USP6NL: variants seen among roughly 807,000 people sequenced by gnomAD.
The protein encoded by USP6NL is USP6 N-terminal-like protein.
A neutral mutation model predicts 61.9 loss-of-function variants in USP6NL; 26 were observed. That is an observed-to-expected ratio of 0.42 (90% confidence interval 0.31 to 0.58). USP6NL has a LOEUF of 0.58. Ranked by LOEUF, USP6NL falls within the 20% of genes least tolerant of loss-of-function variation. USP6NL has a pLI of 0.16. For synonymous variants in USP6NL, 432 were observed against 390.1 expected, an observed-to-expected ratio of 1.11 and a Z score of -1.27; for missense variants, 1,114 against 1,034.3, an observed-to-expected ratio of 1.08 and a Z score of -1.06.
At chr10:11,515,706 G>A (rs1292125458) in intron 5 of USP6NL, among the ~76,000 whole-genome samples, 1 of 152,146 alleles carries the variant, frequency 6.6e-6, no homozygotes, top group African/African-American at 2.4e-5. Flanking sequence ...AAACAGTTTG[G>A]TTTTTCCCTA....
chr10:11,548,275 C>A lies in USP6NL; in HGVS notation c.5-20708G>T, dbSNP rs1198979397. ...TTGATGCCCCAAATTCAACATGATACCCCGGAAAAGGTTTGGTGGGAGAAC... is the reference window on the plus strand; with the variant it reads ...TTGATGCCCCAAATTCAACATGATAACCCGGAAAAGGTTTGGTGGGAGAAC... On this transcript the variant is annotated intron_variant, in intron 2 of 14. Transcript: ENST00000609104. This position sits in a 1 kb window ranked among gnomAD's most constrained non-coding sequence, Gnocchi z 4.3. 1.3e-5 allele frequency among the ~76,000 whole-genome samples: 2 copies of A among 152,146 alleles called. No homozygotes were observed. The highest frequency in any genetic ancestry group is 2.9e-5 in the Non-Finnish European group (2 of 68,026).
chr10:11,599,395 T>C (rs1405626837), intron 1 of USP6NL, among the ~76,000 whole-genome samples: 1 of 152,242 alleles, frequency 6.6e-6, no homozygotes, highest in East Asian at 1.9e-4. Context: ...TTGTGCGATG[T>C]AGCACACTGC....
intron 2 of USP6NL, among the ~76,000 whole-genome samples, chr10:11,578,089 A>C (rs1006893470): frequency 1.3e-5 from 2 of 152,144 alleles, no homozygotes; most frequent in African/African-American, 4.8e-5. Context: ...CCTCCCAAGT[A>C]GCTGGGACCA....
intron 6 of USP6NL, among the ~76,000 whole-genome samples, chr10:11,504,420 G>A (rs1834348692): frequency 6.6e-6 from 1 of 152,154 alleles, no homozygotes. Context: ...CCATAATGTA[G>A]GTTCAGCGGG....
rs1260240265 is a variant in USP6NL at position 11,485,102 on chromosome 10, G to C, written c.826-32C>G. The C allele has an allele frequency of 1.3e-6, 2 of 1,536,360 alleles. No individual in the cohort carries two copies. ...TTAAAAGCAAAACAAAACAAAAATA[G>C]GGTTAACAGCTTCCCCTCACCTTGT... On this transcript the variant is annotated intron_variant, in intron 12 of 14. Coordinates refer to ENST00000609104, the MANE Select transcript of USP6NL (RefSeq NM_014688.5). This position sits in a 1 kb window ranked among gnomAD's most constrained non-coding sequence, Gnocchi z 4.8.
intron 10 of USP6NL, among the ~76,000 whole-genome samples, chr10:11,486,683 C>T (rs1165427387): frequency 6.6e-6 from 1 of 152,172 alleles, no homozygotes; most frequent in Non-Finnish European, 1.5e-5. Context: ...TGTTAACAGA[C>T]GTTCTATGCT....
Position 11,532,288 on chromosome 10 carries a change from C to CA in USP6NL, c.5-4722dup. On this transcript the variant is annotated intron_variant, in intron 2 of 14. Coordinates refer to ENST00000609104, the MANE Select transcript of USP6NL (RefSeq NM_014688.5). This position sits in a 1 kb window ranked among gnomAD's most constrained non-coding sequence, Gnocchi z 4.1. ...ATTATTTTATAGTTCTCGAACACAC[C>CA]AAGAGTGCTGCCCGGCGGTACCTCA... 1 of 1,478,556 alleles carries CA rather than the reference C, an allele frequency of 6.8e-7. No individual in the cohort carries two copies. The highest frequency in any genetic ancestry group is 9.1e-7 in the Non-Finnish European group (1 of 1,095,096). The allele number at this position is 1,478,556 out of a possible 1,614,324, so 91.6% of individuals were successfully genotyped here.
intron 5 of USP6NL, among the ~76,000 whole-genome samples, chr10:11,515,886 T>C (rs547215027): frequency 6.6e-6 from 1 of 152,340 alleles, no homozygotes; most frequent in African/African-American, 2.4e-5. Context: ...ATCAGTCATG[T>C]ATCTTGAATA....
At chr10:11,488,992 C>T (rs1833595780) in intron 10 of USP6NL, 110 bp downstream of exon 10, 1 of 1,432,012 alleles carries the variant, frequency 7.0e-7, no homozygotes, top group African/African-American at 1.4e-5. Context: ...CTCAACGAGC[C>T]CTGAGACATT....
intron 2 of USP6NL, among the ~76,000 whole-genome samples, chr10:11,572,637 C>T (rs1837404960): frequency 6.6e-6 from 1 of 151,958 alleles, no homozygotes; most frequent in Non-Finnish European, 1.5e-5. Context: ...CTTTAAAACA[C>T]AGATTATATC....
At chr10:11,522,976 C>T (rs1027630105) in intron 4 of USP6NL, among the ~76,000 whole-genome samples, 1 of 152,212 alleles carries the variant, frequency 6.6e-6, no homozygotes, top group African/African-American at 2.4e-5. Flanking sequence ...TCGGTTTCAT[C>T]GCCTAAAAAG....
chr10:11,588,364 C>T (rs752593991), intron 2 of USP6NL, among the ~76,000 whole-genome samples: 45 of 152,002 alleles, frequency 3.0e-4, no homozygotes, highest in African/African-American at 9.9e-4. Context: ...ATTATTTTAC[C>T]GTGGTTATGC....
In USP6NL at chr10:11,495,154, G is replaced by A. The variant is rs1239561864; in HGVS notation, c.385-1926C>T. ...CTGGTGGCCCTGTCCGGGCATAACA[G>A]AAGGTTCGCACTCTTGTCTTCTGGT... On this transcript the variant is annotated intron_variant, in intron 7 of 14. Transcript: ENST00000609104. This position sits in a 1 kb window ranked among gnomAD's most constrained non-coding sequence, Gnocchi z 4.6. Among the ~76,000 whole-genome samples, 3 of 152,258 alleles carry A rather than the reference G, an allele frequency of 2.0e-5. No individual in the cohort carries two copies. The highest frequency in any genetic ancestry group is 7.2e-5 in the African/African-American group (3 of 41,474).
chr10:11,545,258 G>A (rs1836230898), intron 2 of USP6NL, among the ~76,000 whole-genome samples: 1 of 151,988 alleles, frequency 6.6e-6, no homozygotes. Context: ...CCAGTGATCT[G>A]ACAGCCAGGA....
Position 11,463,359 on chromosome 10 carries a change from G to C in USP6NL, c.1569C>G (p.Ala523=), listed in dbSNP as rs140625528. ...GCCGCACGTTTGACACCCGCACCTC[G>C]GCAGGACCTGGGACGGTAACTGCGA... ...PALAVTVPGP[A]EVRVSNVRPK... is the part of the protein sequence containing the mutation. The change falls in exon 15 of 15, where the codon GCC becomes GCG. Residue 523 remains alanine, a synonymous_variant. Coordinates refer to ENST00000609104, the MANE Select transcript of USP6NL (RefSeq NM_014688.5). The surrounding 1 kb of genome is among the most constrained non-coding windows in gnomAD (Gnocchi z 6.3). The C allele has an allele frequency of 3.0e-4, 491 of 1,613,950 alleles. No individual in the cohort carries two copies. In the African/African-American group the frequency reaches 4.6e-3, roughly 15 times the overall value.
intron 14 of USP6NL, among the ~76,000 whole-genome samples, chr10:11,480,656 T>C (rs1316814722): frequency 6.6e-6 from 1 of 152,132 alleles, no homozygotes; most frequent in African/African-American, 2.4e-5. Flanking sequence ...CTCAATTAAG[T>C]AAATAAAAGC....
chr10:11,511,129 G>C lies in USP6NL; in HGVS notation c.196-1454C>G, dbSNP rs1233830956. Among the ~76,000 whole-genome samples, 1 of 152,178 alleles carries C rather than the reference G, an allele frequency of 6.6e-6. No homozygotes were observed. Among genetic ancestry groups the C allele is most frequent in the Non-Finnish European group, 1.5e-5 (1 of 68,038 alleles). On this transcript the variant is annotated intron_variant, in intron 5 of 14. Transcript: ENST00000609104. This position sits in a 1 kb window ranked among gnomAD's most constrained non-coding sequence, Gnocchi z 4.9. ...TCTCACCAATGAGAATATTTTTATA[G>C]AATTTCAATTTTAGGCATATTCTTA...
chr10:11,586,899 G>A (rs10905975), intron 2 of USP6NL, among the ~76,000 whole-genome samples: 1,537 of 152,216 alleles, frequency 0.01, 10 homozygotes, highest in Admixed American at 0.02. Context: ...CTTCACATAC[G>A]TTGTTCCTTC....
At chr10:11,583,312 C>A (rs1037779532) in intron 2 of USP6NL, among the ~76,000 whole-genome samples, 1 of 151,404 alleles carries the variant, frequency 6.6e-6, no homozygotes, top group East Asian at 1.9e-4. Context: ...CTCAGTCTCC[C>A]GAGTAGCTGG....
Sources: gnomAD v4.1 joint callset for allele counts (sites outside exome capture counted in the v4.1 genomes callset) on GRCh38, gnomAD v4.1.1 for gene constraint, Gnocchi (gnomAD v3.1) non-coding constraint, MANE v1.5 for transcripts, NCBI Gene and HGNC (gene_info 2026-07-23, HGNC 2026-07-21) for gene names.